Variants in SRGAP1 observed in about 807,000 individuals in gnomAD.
SRGAP1 encodes SLIT-ROBO Rho GTPase activating protein 1.
In SRGAP1, 43 loss-of-function variants were observed where a neutral mutation model predicts 121.9. The ratio of observed to expected loss-of-function variants is 0.35; its 90% CI spans 0.28 to 0.46. SRGAP1 has a LOEUF of 0.46. SRGAP1 is among the 20% of genes least tolerant of loss of function. The pLI, the probability that SRGAP1 is intolerant of heterozygous loss-of-function variation, is 1.00. For synonymous variants in SRGAP1, 447 were observed against 485.4 expected (o/e 0.92, Z 1.04); for missense variants, 1,102 against 1,350.9 (o/e 0.82, Z 2.89).
At chr12:64,078,107 GT>G (rs1289433959) in intron 8 of SRGAP1, among the ~76,000 whole-genome samples, 1 of 152,174 alleles carries the variant, frequency 6.6e-6, no homozygotes, top group East Asian at 1.9e-4. Context: ...AATACCAACT[GT>G]TGATGAGGAT....
intron 1 of SRGAP1, among the ~76,000 whole-genome samples, chr12:63,922,730 A>G (rs1034201401): frequency 1.3e-5 from 2 of 152,250 alleles, no homozygotes; most frequent in Admixed American, 6.5e-5. Flanking sequence ...CATGGGAGGC[A>G]TCTGTTTGTC....
At chr12:63,900,483 C>T (rs1470114258) in intron 1 of SRGAP1, among the ~76,000 whole-genome samples, 2 of 151,856 alleles carry the variant, frequency 1.3e-5, no homozygotes, top group Non-Finnish European at 2.9e-5. Flanking sequence ...GGATTACAGG[C>T]GTGAGCCACC....
At chr12:64,114,491 C>T (rs568185108) in intron 17 of SRGAP1, among the ~76,000 whole-genome samples, 2 of 152,226 alleles carry the variant, frequency 1.3e-5, no homozygotes, top group South Asian at 4.1e-4. Context: ...GATGGGATTA[C>T]AGGTGTCCAC....
intron 9 of SRGAP1, among the ~76,000 whole-genome samples, chr12:64,079,483 T>A (rs2035798409): frequency 1.4e-5 from 2 of 147,990 alleles, no homozygotes; most frequent in African/African-American, 4.9e-5. Flanking sequence ...ATATATATAT[T>A]TATATTTATA....
At chr12:64,072,004 C>T (rs2035645926) in intron 8 of SRGAP1, among the ~76,000 whole-genome samples, 1 of 151,680 alleles carries the variant, frequency 6.6e-6, no homozygotes, top group Non-Finnish European at 1.5e-5. Flanking sequence ...CAAGAGAAGG[C>T]CATGGCAGGA....
At chr12:63,877,095 T>C (rs1900052930) in intron 1 of SRGAP1, among the ~76,000 whole-genome samples, 1 of 152,138 alleles carries the variant, frequency 6.6e-6, no homozygotes, top group Non-Finnish European at 1.5e-5. Flanking sequence ...CATGGTGGCA[T>C]GCGCCTGTAA....
chr12:64,116,102 A>G (rs956048377), intron 18 of SRGAP1: 5 of 493,080 alleles, frequency 1.0e-5, no homozygotes, highest in African/African-American at 2.0e-5. Flanking sequence ...AAAAAAATAC[A>G]AAAAATTAGC....
Position 64,079,073 on chromosome 12 carries a change from A to G in SRGAP1, c.1280A>G (p.Lys427Arg), listed in dbSNP as rs114669147. The stretch of plus-strand genomic sequence containing the variant: ...TACCTGAGTAAACCCAGCATCGCCA[A>G]GAGAAGAGCCAACCAGCAGGAAACT... ...ETYLSKPSIA[K>R]RRANQQETEQ... The change falls in exon 9 of 22, where the codon AAG (lysine) becomes AGG (arginine). Residue 427 changes from lysine (K) to arginine (R), a missense_variant. By Grantham distance (26) the Lys-to-Arg change is conservative. Transcript: ENST00000355086. 17 of 1,614,088 alleles carry G rather than the reference A, an allele frequency of 1.1e-5. No individual in the cohort carries two copies. In the East Asian group the frequency reaches 1.6e-4, roughly 15 times the overall value.
rs940105377 is a variant in SRGAP1, at chr12:64,143,513, A to G, written c.*841A>G. ...AACTCCTCCAAAGATCCGTTATTCA[A>G]TAACTGCCTAGAAAATGTTTCCATC... On this transcript the variant is annotated 3_prime_UTR_variant, in exon 22 of 22. Coordinates refer to ENST00000355086, the MANE Select transcript of SRGAP1 (RefSeq NM_020762.4). 2.0e-5 allele frequency: 3 copies of G among 152,242 alleles called. No individual in the cohort carries two copies. Among genetic ancestry groups the G allele is most frequent in the African/African-American group, 7.2e-5 (3 of 41,446 alleles). The allele number at this position is 152,242 out of a possible 1,614,324, so 9.4% of individuals were successfully genotyped here. A position where few individuals can be genotyped will look rare whatever the true frequency, so the allele number is the denominator to read the frequency against.
intron 8 of SRGAP1, among the ~76,000 whole-genome samples, chr12:64,073,756 AATACATGG>A (rs1326377343): frequency 6.7e-6 from 1 of 149,228 alleles, no homozygotes; most frequent in Non-Finnish European, 1.5e-5. Flanking sequence ...TGAATGGTTG[AATACATGG>A]ATACAGAATC....
intron 8 of SRGAP1, among the ~76,000 whole-genome samples, chr12:64,072,852 G>A (rs2035667684): frequency 6.6e-6 from 1 of 152,112 alleles, no homozygotes; most frequent in Non-Finnish European, 1.5e-5. Context: ...TAACACAAAG[G>A]CAACAAAGCC....
Position 64,152,283 on chromosome 12 carries a change from G to A in SRGAP1, c.*9611G>A, listed in dbSNP as rs1382791625. The A allele has an allele frequency of 1.3e-5, 2 of 152,028 alleles. No homozygotes were observed. The highest frequency in any genetic ancestry group is 2.9e-5 in the Non-Finnish European group (2 of 68,024). The allele number at this position is 152,028 out of a possible 1,614,324, so 9.4% of individuals were successfully genotyped here. On this transcript the variant is annotated 3_prime_UTR_variant, in exon 22 of 22. Coordinates refer to ENST00000355086, the MANE Select transcript of SRGAP1 (RefSeq NM_020762.4). ...GCCGCAGGAGTTAAACACTTGCCCTGGTCACACAGCTAGATAGTGACAGAG... is the reference window on the plus strand; with the variant it reads ...GCCGCAGGAGTTAAACACTTGCCCTAGTCACACAGCTAGATAGTGACAGAG...
At chr12:63,956,945 A>C (rs929090357) in intron 1 of SRGAP1, among the ~76,000 whole-genome samples, 15 of 152,022 alleles carry the variant, frequency 9.9e-5, no homozygotes, top group African/African-American at 3.6e-4. Context: ...GTCTTTATAG[A>C]TTTGCCTGTT....
intron 15 of SRGAP1, among the ~76,000 whole-genome samples, chr12:64,107,339 T>G (rs181071434): frequency 8.5e-4 from 129 of 152,310 alleles, no homozygotes; most frequent in African/African-American, 2.9e-3. Flanking sequence ...TCAGCATTTT[T>G]AATCTCCCCA....
rs2037058997 is a variant in SRGAP1 at position 64,146,776 on chromosome 12, C to G, written c.*4104C>G. The G allele has an allele frequency of 6.6e-6, 1 of 152,080 alleles. No individual in the cohort carries two copies. The highest frequency in any genetic ancestry group is 1.5e-5 in the Non-Finnish European group (1 of 68,032). 9.4% of individuals were successfully genotyped at this position (152,080 alleles called of 1,614,324 possible). On this transcript the variant is annotated 3_prime_UTR_variant, in exon 22 of 22. Coordinates refer to ENST00000355086, the MANE Select transcript of SRGAP1 (RefSeq NM_020762.4). ...ACCTCCCAAGTTGAGAACACAAGCT[C>G]CAGCTGGGCTGGAGAGTCAGGCTTG...
intron 15 of SRGAP1, among the ~76,000 whole-genome samples, chr12:64,101,350 T>TGTGA (rs1244966634): frequency 1.3e-5 from 2 of 150,196 alleles, no homozygotes; most frequent in African/African-American, 2.5e-5. Context: ...TGTGTGTGTG[T>TGTGA]GATGAGTAGT....
chr12:64,014,653 A>G (rs1593043334), intron 3 of SRGAP1, among the ~76,000 whole-genome samples: 1 of 151,906 alleles, frequency 6.6e-6, no homozygotes, highest in African/African-American at 2.4e-5. Flanking sequence ...TGTCCTAAAG[A>G]TATTTGGCCT....
intron 17 of SRGAP1, among the ~76,000 whole-genome samples, chr12:64,113,483 T>C (rs1289981913): frequency 2.0e-5 from 3 of 152,226 alleles, no homozygotes; most frequent in Admixed American, 6.5e-5. Flanking sequence ...CTAACAATAA[T>C]GTATATTTCA....
chr12:64,086,373 A>G (rs866078617), intron 10 of SRGAP1, among the ~76,000 whole-genome samples: 2 of 152,238 alleles, frequency 1.3e-5, no homozygotes, highest in South Asian at 2.1e-4. Context: ...ACCCAAATGT[A>G]TAAGAAGTTG....
Sources: gnomAD v4.1 joint callset for allele counts (sites outside exome capture counted in the v4.1 genomes callset) on GRCh38, gnomAD v4.1.1 for gene constraint, MANE v1.5 for transcripts, NCBI Gene and HGNC (gene_info 2026-07-23, HGNC 2026-07-21) for gene names.